The following HS6ST3 variants were observed in gnomAD, a reference collection of about 807,000 sequenced individuals.
The protein encoded by HS6ST3 is heparan sulfate 6-O-sulfotransferase 3, also known as heparan-sulfate 6-O-sulfotransferase 3.
HS6ST3 carries 12 observed loss-of-function variants against 36.7 expected under a neutral mutation model. The observed-to-expected ratio is 0.33, with a 90% CI of 0.21 to 0.53. The LOEUF (loss-of-function observed/expected upper bound fraction) is 0.53. Ranked by LOEUF, HS6ST3 falls within the 20% of genes least tolerant of loss-of-function variation. The pLI is 0.95. For synonymous variants in HS6ST3, 240 were observed against 257.5 expected, an observed-to-expected ratio of 0.93 and a Z score of 0.65; for missense variants, 584 against 640.9, an observed-to-expected ratio of 0.91 and a Z score of 0.96.
intron 1 of HS6ST3, among the ~76,000 whole-genome samples, chr13:96,222,450 G>A (rs2054460620): frequency 6.6e-6 from 1 of 152,180 alleles, no homozygotes; most frequent in South Asian, 2.1e-4. Flanking sequence ...AAAACTGGAG[G>A]CAAAATAGCT....
chr13:96,624,261 C>T (rs1360690547), intron 1 of HS6ST3, among the ~76,000 whole-genome samples: 1 of 152,090 alleles, frequency 6.6e-6, no homozygotes, highest in African/African-American at 2.4e-5. Flanking sequence ...GCCCTCTCTA[C>T]CTGACCACAG....
chr13:96,568,622 G>A (rs1015213161), intron 1 of HS6ST3, among the ~76,000 whole-genome samples: 2 of 152,130 alleles, frequency 1.3e-5, no homozygotes, highest in Non-Finnish European at 2.9e-5. Flanking sequence ...CATATTTCAT[G>A]TTCAGACCAT....
intron 1 of HS6ST3, among the ~76,000 whole-genome samples, chr13:96,206,412 C>T (rs2139354645): frequency 6.6e-6 from 1 of 152,286 alleles, no homozygotes; most frequent in East Asian, 1.9e-4. Flanking sequence ...CAATGCTATT[C>T]TCATTAAACT....
intron 1 of HS6ST3, among the ~76,000 whole-genome samples, chr13:96,154,513 A>G (rs1020504144): frequency 1.3e-5 from 2 of 152,180 alleles, no homozygotes; most frequent in Non-Finnish European, 2.9e-5. Context: ...TTAGTGTAAC[A>G]TCAGTAAAAT....
chr13:96,419,318 A>G (rs988168602), intron 1 of HS6ST3, among the ~76,000 whole-genome samples: 3 of 152,202 alleles, frequency 2.0e-5, no homozygotes, highest in African/African-American at 7.2e-5. Flanking sequence ...GAAGCTGCAT[A>G]AAAGTGTAGG....
chr13:96,756,474 C>T (rs537133610), intron 1 of HS6ST3, among the ~76,000 whole-genome samples: 1 of 152,094 alleles, frequency 6.6e-6, no homozygotes, highest in Non-Finnish European at 1.5e-5. Context: ...CTTCTAGATA[C>T]AGTACAGTTT....
intron 1 of HS6ST3, among the ~76,000 whole-genome samples, chr13:96,719,290 A>G: frequency 6.6e-6 from 1 of 151,824 alleles, no homozygotes. Flanking sequence ...AAAAAAACCA[A>G]AAAAAGAATT....
At chr13:96,652,660 G>A (rs1204700715) in intron 1 of HS6ST3, among the ~76,000 whole-genome samples, 3 of 151,994 alleles carry the variant, frequency 2.0e-5, no homozygotes, top group Non-Finnish European at 2.9e-5. Flanking sequence ...AAATTGTTTT[G>A]TATGTCTCTA....
At chr13:96,798,189 A>G (rs1056429484) in intron 1 of HS6ST3, among the ~76,000 whole-genome samples, 5 of 152,054 alleles carry the variant, frequency 3.3e-5, no homozygotes, top group Middle Eastern at 3.2e-3. Context: ...GCATGGAGTT[A>G]CCATCCCTTC....
chr13:96,373,706 T>A (rs1477362339), intron 1 of HS6ST3, among the ~76,000 whole-genome samples: 1 of 152,140 alleles, frequency 6.6e-6, no homozygotes, highest in Admixed American at 6.6e-5. Context: ...GTTAAGCAAA[T>A]TTTTCCTCAA....
intron 1 of HS6ST3, among the ~76,000 whole-genome samples, chr13:96,738,438 T>C (rs1490578916): frequency 6.6e-6 from 1 of 151,710 alleles, no homozygotes; most frequent in Non-Finnish European, 1.5e-5. Context: ...TGCTGTTCTG[T>C]TTGTATTCAA....
chr13:96,246,797 C>T (rs137861088), intron 1 of HS6ST3, among the ~76,000 whole-genome samples: 5 of 152,100 alleles, frequency 3.3e-5, no homozygotes, highest in African/African-American at 9.7e-5. Flanking sequence ...TTCTTCCCCA[C>T]GATGGAATGG....
At chr13:96,714,913 C>A (rs1003878922) in intron 1 of HS6ST3, among the ~76,000 whole-genome samples, 36 of 151,858 alleles carry the variant, frequency 2.4e-4, no homozygotes, top group African/African-American at 8.7e-4. Flanking sequence ...TGCTATTTTG[C>A]CCAGGCTGGT....
At chr13:96,239,002 T>G (rs900055231) in intron 1 of HS6ST3, among the ~76,000 whole-genome samples, 3 of 152,098 alleles carry the variant, frequency 2.0e-5, no homozygotes, top group Admixed American at 6.5e-5. Context: ...ACAAAATGAT[T>G]GTATCTTCTC....
intron 1 of HS6ST3, among the ~76,000 whole-genome samples, chr13:96,274,298 T>A (rs2054736945): frequency 6.6e-6 from 1 of 151,934 alleles, no homozygotes; most frequent in Non-Finnish European, 1.5e-5. Flanking sequence ...AGATTTCTGT[T>A]GGGCATAAGC....
At chr13:96,525,428 G>A (rs746559560) in intron 1 of HS6ST3, among the ~76,000 whole-genome samples, 28 of 151,998 alleles carry the variant, frequency 1.8e-4, no homozygotes, top group Non-Finnish European at 3.7e-4. Context: ...GAATTTTCAG[G>A]TTGCTCTGGT....
intron 1 of HS6ST3, among the ~76,000 whole-genome samples, chr13:96,478,813 A>G (rs2055876330): frequency 6.6e-6 from 1 of 152,200 alleles, no homozygotes; most frequent in South Asian, 2.1e-4. Flanking sequence ...GGGGCTAAGA[A>G]GGATTAAGTT....
chr13:96,404,971 G>A (rs2055470244), intron 1 of HS6ST3, among the ~76,000 whole-genome samples: 1 of 152,104 alleles, frequency 6.6e-6, no homozygotes, highest in Admixed American at 6.6e-5. Context: ...TTTAAAAACG[G>A]GAGTTTCTCT....
At chr13:96,432,887 A>G (rs1161417277) in intron 1 of HS6ST3, among the ~76,000 whole-genome samples, 1 of 152,198 alleles carries the variant, frequency 6.6e-6, no homozygotes, top group Non-Finnish European at 1.5e-5. Flanking sequence ...CATAAAGACA[A>G]TTACTGGCAA....
Sources: gnomAD v4.1 joint callset for allele counts (sites outside exome capture counted in the v4.1 genomes callset) on GRCh38, gnomAD v4.1.1 for gene constraint, MANE v1.5 for transcripts, NCBI Gene and HGNC (gene_info 2026-07-23, HGNC 2026-07-21) for gene names.